The following VRK2 variants were observed in gnomAD, a reference collection of about 807,000 sequenced individuals.
VRK2 encodes the protein serine/threonine-protein kinase VRK2.
Under a neutral mutation model 57.6 loss-of-function variants are expected in VRK2, and 60 were observed. The observed-to-expected ratio is 1.04, with a 90% CI of 0.85 to 1.29. The LOEUF is 1.29. Ranked by LOEUF, VRK2 falls within the 50% of genes most tolerant of loss-of-function variation. The probability of loss-of-function intolerance (pLI) is 0.00; values close to 1 mark genes in which losing one functional copy is unlikely to be tolerated. For missense variants in VRK2, 705 were observed against 588.1 expected, an observed-to-expected ratio of 1.20 and a Z score of -2.06; for synonymous variants, 231 against 199.2, an observed-to-expected ratio of 1.16 and a Z score of -1.35.
In VRK2 at chr2:58,159,546, GA is replaced by G. The variant is rs1558723753; in HGVS notation, c.1381del (p.Ile461SerfsTer4). ...YKYTSTVSTG[I>X]TDLESSTGLW... ...AATACACTTCCACAGTCAGCACGGG[GA>G]TCACAGACTTAGAAAGTTCAACTGG... On this transcript the variant is annotated frameshift_variant, in exon 13 of 13. Coordinates refer to ENST00000340157, the MANE Select transcript of VRK2 (RefSeq NM_006296.7). LOFTEE classifies it low-confidence loss of function (END_TRUNC). The G allele has an allele frequency of 6.2e-7, 1 of 1,613,780 alleles. No homozygotes were observed. The highest frequency in any genetic ancestry group is 8.5e-7 in the Non-Finnish European group (1 of 1,179,810).
intron 12 of VRK2, 67 bp downstream of exon 12, chr2:58,146,541 A>G: frequency 6.5e-7 from 1 of 1,526,840 alleles, no homozygotes; most frequent in South Asian, 1.3e-5. Context: ...CTTTGGGAAT[A>G]AAAACATCTT....
chr2:58,032,906 T>C (rs1207929156), intron 2 of VRK2, among the ~76,000 whole-genome samples: 1 of 152,110 alleles, frequency 6.6e-6, no homozygotes. Flanking sequence ...TATCTGTAAG[T>C]AGCAAATCTG....
At position 58,156,583 on chromosome 2, in the gene VRK2, T is replaced by TTTTTG. The variant is rs200825336; in HGVS notation, c.1183-2736_1183-2732dup. ...TACCTCAGGTTGGGTGGTGGTGTTT[T>TTTTTG]TTTTGTTTTGTTTTGTTTTGTTTTG... On this transcript the variant is annotated intron_variant, in intron 12 of 12. Coordinates refer to ENST00000340157, the MANE Select transcript of VRK2 (RefSeq NM_006296.7). Among the ~76,000 whole-genome samples, 444 of 145,042 alleles carry TTTTTG rather than the reference T, an allele frequency of 3.1e-3. 2 individuals carry two copies. The highest frequency in any genetic ancestry group is 0.014 in the Middle Eastern group (4 of 292).
chr2:58,021,592 G>A (rs931725513), intron 1 of VRK2, among the ~76,000 whole-genome samples: 14 of 152,100 alleles, frequency 9.2e-5, no homozygotes, highest in African/African-American at 2.7e-4. Context: ...ATCACTCAGT[G>A]AATCCCTTCC....
chr2:58,027,428 G>A (rs763783514), intron 2 of VRK2, among the ~76,000 whole-genome samples: 3 of 152,048 alleles, frequency 2.0e-5, no homozygotes, highest in African/African-American at 4.8e-5. Flanking sequence ...CCTCTAAATT[G>A]AATGAATATA....
intron 1 of VRK2, among the ~76,000 whole-genome samples, chr2:57,923,698 T>C (rs1440579474): frequency 6.6e-6 from 1 of 151,888 alleles, no homozygotes; most frequent in Non-Finnish European, 1.5e-5. Flanking sequence ...CACCTTTTTT[T>C]GTTTCCTTTG....
chr2:57,920,295 T>A (rs937289250), intron 1 of VRK2, among the ~76,000 whole-genome samples: 4 of 152,034 alleles, frequency 2.6e-5, no homozygotes, highest in African/African-American at 9.7e-5. Context: ...CTCATATCAT[T>A]TTTGGACTTA....
At chr2:58,045,302 A>C (rs1036495766), upstream of VRK2, among the ~76,000 whole-genome samples, 1 of 152,226 alleles carries the variant, frequency 6.6e-6, no homozygotes, top group African/African-American at 2.4e-5. Context: ...TTGAGCCAAC[A>C]GGATTTACTA....
At chr2:57,941,122 C>T (rs952464068) in intron 1 of VRK2, among the ~76,000 whole-genome samples, 8 of 152,212 alleles carry the variant, frequency 5.3e-5, no homozygotes, top group East Asian at 1.9e-4. Flanking sequence ...CTCACTCTTC[C>T]GTAAGAAATC....
chr2:57,909,546 TA>T (rs1376511408), intron 1 of VRK2, among the ~76,000 whole-genome samples: 1 of 152,140 alleles, frequency 6.6e-6, no homozygotes, highest in East Asian at 1.9e-4. Context: ...CACAGACTAC[TA>T]GGTAGCTCAG....
intron 1 of VRK2, among the ~76,000 whole-genome samples, chr2:57,910,042 T>G (rs1470604924): frequency 6.6e-6 from 1 of 151,620 alleles, no homozygotes; most frequent in Non-Finnish European, 1.5e-5. Context: ...ATTAAAATGG[T>G]AAATCACTTG....
chr2:58,155,630 C>CCTGT (rs1315359882), intron 12 of VRK2, among the ~76,000 whole-genome samples: 1 of 151,962 alleles, frequency 6.6e-6, no homozygotes, highest in Admixed American at 6.6e-5. Context: ...CAGGGCTCTA[C>CCTGT]CTGTCTCCAC....
chr2:57,938,555 T>C (rs1670991961), intron 1 of VRK2, among the ~76,000 whole-genome samples: 1 of 152,200 alleles, frequency 6.6e-6, no homozygotes, highest in African/African-American at 2.4e-5. Flanking sequence ...CATTATCAGA[T>C]TGATGCTGAT....
chr2:58,071,200 G>T (rs1490262855), intron 2 of VRK2, among the ~76,000 whole-genome samples: 1 of 151,776 alleles, frequency 6.6e-6, no homozygotes, highest in Non-Finnish European at 1.5e-5. Flanking sequence ...GTATATTTTT[G>T]ATATGTCTTG....
intron 12 of VRK2, among the ~76,000 whole-genome samples, chr2:58,153,202 T>C (rs1340068723): frequency 1.3e-5 from 2 of 152,068 alleles, no homozygotes; most frequent in Non-Finnish European, 2.9e-5. Context: ...CATCATGCCC[T>C]TGAGATCGAT....
chr2:58,083,868 C>T (rs1433885984), intron 2 of VRK2, among the ~76,000 whole-genome samples: 1 of 151,790 alleles, frequency 6.6e-6, no homozygotes, highest in Non-Finnish European at 1.5e-5. Context: ...GTTTCTGTCT[C>T]TAATATATTA....
chr2:58,007,506 T>A (rs188544580), intron 1 of VRK2, among the ~76,000 whole-genome samples: 2 of 152,124 alleles, frequency 1.3e-5, no homozygotes, highest in Non-Finnish European at 2.9e-5. Flanking sequence ...CATATGACAA[T>A]CTACTTCCAC....
intron 7 of VRK2, among the ~76,000 whole-genome samples, chr2:58,116,095 G>A (rs1676428928): frequency 6.6e-6 from 1 of 152,164 alleles, no homozygotes; most frequent in African/African-American, 2.4e-5. Context: ...ATAGGTTTTA[G>A]AAGCCCATGC....
Position 57,964,879 on chromosome 2 carries a change from C to CAAAAAAA in VRK2, c.-439+57063_-439+57069dup, listed in dbSNP as rs540446220. 1.0e-4 allele frequency among the ~76,000 whole-genome samples: 5 copies of CAAAAAAA among 47,864 alleles called. No individual in the cohort carries two copies. The East Asian group carries it at 2.9e-3, about 28-fold the overall frequency. 31.4% of individuals were successfully genotyped at this position (47,864 alleles called of 152,430 possible). A position where few individuals can be genotyped will look rare whatever the true frequency, so the allele number is the denominator to read the frequency against. ...TGGGTGACAGAATGAGAATCCATCT[C>CAAAAAAA]AAAAAAAAAAAAAAAAAAAAAAAAA... On this transcript the variant is annotated intron_variant, in intron 1 of 15. Coordinates refer to the VRK2 transcript ENST00000417641.
Sources: gnomAD v4.1 joint callset for allele counts (sites outside exome capture counted in the v4.1 genomes callset) on GRCh38, gnomAD v4.1.1 for gene constraint, MANE v1.5 for transcripts, NCBI Gene and HGNC (gene_info 2026-07-23, HGNC 2026-07-21) for gene names.